ZXDC: variants seen among roughly 807,000 people sequenced by gnomAD.
The protein encoded by ZXDC is zinc finger protein ZXDC.
In ZXDC, 58 loss-of-function variants were observed where a neutral mutation model predicts 63.6. The ratio of observed to expected loss-of-function variants is 0.91; its 90% confidence interval spans 0.74 to 1.13. The LOEUF is 1.13. Among genes scored for constraint, ZXDC ranks in the 50% most tolerant of loss-of-function variants. ZXDC has a pLI of 0.00. For missense variants in ZXDC, 1,133 were observed against 1,148.9 expected (o/e 0.99, Z 0.20); for synonymous variants, 561 against 496.1 (o/e 1.13, Z -1.74).
At chr3:126,450,428 T>C (rs1335116041) in intron 7 of ZXDC, 11 of 456,588 alleles carry the variant, frequency 2.4e-5, no homozygotes, top group South Asian at 1.4e-4. Flanking sequence ...CCCAGGGGTG[T>C]ACACGGGGCC....
chr3:126,440,519 G>C (rs1190770944), intron 8 of ZXDC: 1 of 985,706 alleles, frequency 1.0e-6, no homozygotes. Context: ...ACTTGCTCCT[G>C]TTCTGCCGGT....
chr3:126,468,175 T>C (rs1934847424), intron 4 of ZXDC, among the ~76,000 whole-genome samples: 1 of 151,846 alleles, frequency 6.6e-6, no homozygotes. Context: ...GGCGCTCACA[T>C]GGACGGCCAG....
At chr3:126,454,894 C>A (rs577510580) in intron 7 of ZXDC, 13 of 985,404 alleles carry the variant, frequency 1.3e-5, no homozygotes, top group African/African-American at 3.5e-5. Flanking sequence ...AAGAAATTCA[C>A]ACATTTTATT....
chr3:126,451,081 C>G, intron 7 of ZXDC: 1 of 980,372 alleles, frequency 1.0e-6, no homozygotes, highest in Non-Finnish European at 1.2e-6. Context: ...CTCAGGCCCA[C>G]CAGGCCACCC....
At chr3:126,463,956 A>C (rs908300139) in intron 5 of ZXDC, among the ~76,000 whole-genome samples, 2 of 152,252 alleles carry the variant, frequency 1.3e-5, no homozygotes, top group African/African-American at 4.8e-5. Flanking sequence ...TCACTTCTTC[A>C]ATAAATATCC....
rs1934426765 is a variant in ZXDC at position 126,459,247 on chromosome 3, C to T, written c.2212+406G>A. 12 of 985,306 alleles carry T rather than the reference C, an allele frequency of 1.2e-5. No individual in the cohort carries two copies. In the South Asian group the frequency reaches 5.6e-4, roughly 46 times the overall value. The allele number at this position is 985,306 out of a possible 1,614,324, so 61.0% of individuals were successfully genotyped here. A position where few individuals can be genotyped will look rare whatever the true frequency, so the allele number is the denominator to read the frequency against. ...CAATGCCACAGGACACACAGTTTGG[C>T]TCCATGTACACGTACCTGGGGACAG... On this transcript the variant is annotated intron_variant, in intron 7 of 9. Coordinates refer to ENST00000389709, the MANE Select transcript of ZXDC (RefSeq NM_025112.5).
intron 7 of ZXDC, among the ~76,000 whole-genome samples, chr3:126,449,299 G>A (rs1043450946): frequency 5.3e-5 from 8 of 152,154 alleles, no homozygotes; most frequent in Admixed American, 2.0e-4. Flanking sequence ...GGGCTCAAGT[G>A]ATCCTCCCGC....
At chr3:126,443,271 T>C (rs1162128943) in intron 7 of ZXDC, 3 of 152,336 alleles carry the variant, frequency 2.0e-5, no homozygotes, top group East Asian at 1.9e-4. Context: ...CCAGCAACCC[T>C]CGCTCTGGAT....
intron 7 of ZXDC, chr3:126,453,613 GC>G (rs1934193542): frequency 1.0e-6 from 1 of 985,330 alleles, no homozygotes; most frequent in Non-Finnish European, 1.2e-6. Flanking sequence ...AGCTGAACGT[GC>G]AGGGAAGTCA....
intron 4 of ZXDC, among the ~76,000 whole-genome samples, chr3:126,469,537 C>T (rs1473755123): frequency 6.6e-6 from 1 of 152,190 alleles, no homozygotes; most frequent in Non-Finnish European, 1.5e-5. Context: ...CCCGTCCAGG[C>T]CATCCCACCT....
chr3:126,473,055 C>G (rs866432609), intron 1 of ZXDC, among the ~76,000 whole-genome samples: 38 of 152,308 alleles, frequency 2.5e-4, no homozygotes, highest in African/African-American at 7.9e-4. Context: ...TATGAACTGC[C>G]ACACAGATGT....
At chr3:126,458,896 A>C (rs1393404735) in intron 7 of ZXDC, 2 of 985,436 alleles carry the variant, frequency 2.0e-6, no homozygotes, top group Non-Finnish European at 1.2e-6. Context: ...CTTTAAGAAA[A>C]CTGATTAACA....
intron 7 of ZXDC, among the ~76,000 whole-genome samples, chr3:126,446,759 T>C (rs1933900011): frequency 6.6e-6 from 1 of 152,220 alleles, no homozygotes; most frequent in South Asian, 2.1e-4. Flanking sequence ...TTAATATACT[T>C]ATCCACAAGG....
intron 4 of ZXDC, 76 bp downstream of exon 4, chr3:126,470,819 A>G: frequency 6.3e-7 from 1 of 1,583,538 alleles, no homozygotes; most frequent in Admixed American, 1.7e-5. Context: ...ATTTACCTTT[A>G]AACAACGGAA....
At chr3:126,439,836 CACCCCCTGTATTCCAAGG>C in intron 8 of ZXDC, 109 bp from the exon 9 acceptor site, 2 of 1,459,334 alleles carry the variant, frequency 1.4e-6, no homozygotes, top group Non-Finnish European at 1.8e-6. Context: ...AGAACCAGCC[CACCCCCTGTATTCCAAGG>C]GAGGCCCGAG....
intron 7 of ZXDC, chr3:126,453,127 A>T (rs779752635): frequency 9.9e-5 from 98 of 985,354 alleles, no homozygotes; most frequent in Non-Finnish European, 1.1e-4. Flanking sequence ...AGAACTGAGG[A>T]ACTATTCATA....
At chr3:126,441,160 A>G (rs992098283) in intron 8 of ZXDC, 4 of 985,722 alleles carry the variant, frequency 4.1e-6, no homozygotes, top group Non-Finnish European at 3.6e-6. Context: ...CTGCTGAAGC[A>G]GGTGTGCTCA....
rs761133346 is a variant in ZXDC at position 126,475,596 on chromosome 3, A to C, written c.270T>G (p.Ala90=). 1 of 1,467,756 alleles carries C rather than the reference A, an allele frequency of 6.8e-7. No individual in the cohort carries two copies. Among genetic ancestry groups the C allele is most frequent in the Non-Finnish European group, 9.0e-7 (1 of 1,107,396 alleles). 90.9% of individuals were successfully genotyped at this position (1,467,756 alleles called of 1,614,324 possible). Residue 90 remains alanine (A), a synonymous_variant, in exon 1 of 10, where the codon GCT becomes GCG. Coordinates refer to ENST00000389709, the MANE Select transcript of ZXDC (RefSeq NM_025112.5). ...EVPHGGAAAE[A]AGSQEAEPGS... is the part of the protein sequence containing the mutation. Reference sequence around the variant, plus strand: ...CAGGCTCGGCCTCCTGTGATCCGGCAGCCTCGGCGGCAGCGCCGCCGTGCG... The same window carrying C: ...CAGGCTCGGCCTCCTGTGATCCGGCCGCCTCGGCGGCAGCGCCGCCGTGCG...
intron 7 of ZXDC, chr3:126,442,194 A>G (rs1447019370): frequency 3.0e-6 from 1 of 333,408 alleles, no homozygotes; most frequent in Non-Finnish European, 5.2e-6. Flanking sequence ...TTTTTGCCAG[A>G]CGGTACGGTA....
Sources: gnomAD v4.1 joint callset for allele counts (sites outside exome capture counted in the v4.1 genomes callset) on GRCh38, gnomAD v4.1.1 for gene constraint, MANE v1.5 for transcripts, NCBI Gene and HGNC (gene_info 2026-07-23, HGNC 2026-07-21) for gene names.